The following LRP1B variants were observed in gnomAD, a reference collection of about 807,000 sequenced individuals.
The protein encoded by LRP1B is low-density lipoprotein receptor-related protein 1B.
LRP1B carries 217 observed loss-of-function variants against 556.6 expected under a neutral mutation model. The observed-to-expected ratio is 0.39, with a 90% CI of 0.35 to 0.44. LRP1B has a LOEUF of 0.44. Ranked by LOEUF, LRP1B falls within the 20% of genes least tolerant of loss-of-function variation. The probability of loss-of-function intolerance (pLI) is 1.00; values close to 1 mark genes in which losing one functional copy is unlikely to be tolerated. For synonymous variants in LRP1B, 2,047 were observed against 1,865.8 expected, an observed-to-expected ratio of 1.10 and a Z score of -2.50; for missense variants, 5,053 against 5,620.8, an observed-to-expected ratio of 0.90 and a Z score of 3.23.
chr2:141,925,499 A>T (rs1042933700), intron 1 of LRP1B, among the ~76,000 whole-genome samples: 3 of 152,172 alleles, frequency 2.0e-5, no homozygotes, highest in African/African-American at 7.2e-5. Context: ...GGAATTCATA[A>T]ATCTATTTGT....
chr2:140,251,112 A>C (rs1681394386), intron 86 of LRP1B, among the ~76,000 whole-genome samples: 2 of 151,624 alleles, frequency 1.3e-5, no homozygotes, highest in South Asian at 4.1e-4. Context: ...TTCAATTATA[A>C]TTTTCTGTAG....
Position 141,720,212 on chromosome 2 carries a change from A to G in LRP1B, c.205+90067T>C, listed in dbSNP as rs571770664. Among the ~76,000 whole-genome samples, 13 of 152,250 alleles carry G rather than the reference A, an allele frequency of 8.5e-5. No homozygotes were observed. The South Asian group carries it at 2.7e-3, about 32-fold the overall frequency. ...TTAGCAAACCCTGCTGGATTAAAGA[A>G]AGCTGTTACTGAAGACTAGAGTGAA... On this transcript the variant is annotated intron_variant, in intron 2 of 90. Transcript: ENST00000389484.
At chr2:141,414,520 C>A (rs1299244154) in intron 3 of LRP1B, among the ~76,000 whole-genome samples, 1 of 152,134 alleles carries the variant, frequency 6.6e-6, no homozygotes, top group Non-Finnish European at 1.5e-5. Context: ...TGCAAAGTGG[C>A]ATTTAATTTT....
chr2:140,637,137 G>A (rs987780621), intron 41 of LRP1B, among the ~76,000 whole-genome samples: 3 of 152,134 alleles, frequency 2.0e-5, no homozygotes, highest in Non-Finnish European at 4.4e-5. Flanking sequence ...AATATGGAGT[G>A]AGCAGAGATC....
chr2:140,610,425 T>C (rs1416885705), intron 41 of LRP1B, among the ~76,000 whole-genome samples: 1 of 152,222 alleles, frequency 6.6e-6, no homozygotes. Flanking sequence ...TGCATATTTA[T>C]GCTTTAATTC....
intron 35 of LRP1B, among the ~76,000 whole-genome samples, chr2:140,725,531 G>A (rs977282104): frequency 4.1e-5 from 5 of 120,626 alleles, no homozygotes; most frequent in Non-Finnish European, 6.6e-5. Flanking sequence ...ACCGGGGCCT[G>A]TCATGGGGTG....
intron 1 of LRP1B, among the ~76,000 whole-genome samples, chr2:142,095,010 A>G (rs1040926482): frequency 2.0e-5 from 3 of 151,888 alleles, no homozygotes; most frequent in Non-Finnish European, 2.9e-5. Context: ...ATGTGAATTA[A>G]CCAAGTTAGC....
At chr2:140,872,264 G>A (rs1266185733) in intron 25 of LRP1B, among the ~76,000 whole-genome samples, 1 of 151,124 alleles carries the variant, frequency 6.6e-6, no homozygotes, top group Non-Finnish European at 1.5e-5. Flanking sequence ...TCCCTTTCGG[G>A]GAAAACCGTC....
intron 2 of LRP1B, among the ~76,000 whole-genome samples, chr2:141,526,841 C>T (rs1684708016): frequency 6.6e-6 from 1 of 151,936 alleles, no homozygotes; most frequent in Non-Finnish European, 1.5e-5. Flanking sequence ...TAAAAATAAA[C>T]AAGAGTAAAG....
intron 7 of LRP1B, among the ~76,000 whole-genome samples, chr2:141,154,732 A>T (rs1702023102): frequency 6.6e-6 from 1 of 151,870 alleles, no homozygotes; most frequent in Non-Finnish European, 1.5e-5. Context: ...CTAATTCTGA[A>T]TTTTCACTAA....
intron 1 of LRP1B, among the ~76,000 whole-genome samples, chr2:141,888,898 C>A (rs972081111): frequency 2.0e-5 from 3 of 152,082 alleles, no homozygotes; most frequent in African/African-American, 7.2e-5. Flanking sequence ...CTATTGACGG[C>A]CAACCAGCCA....
chr2:142,086,883 G>A (rs13018671), intron 1 of LRP1B, among the ~76,000 whole-genome samples: 64,921 of 151,924 alleles, frequency 0.43, 15,896 homozygotes, highest in East Asian at 0.69. Context: ...CATCACGAAA[G>A]CAATATTCCT....
chr2:141,112,745 A>C (rs74370772), intron 7 of LRP1B, among the ~76,000 whole-genome samples: 9,686 of 152,230 alleles, frequency 0.064, 377 homozygotes, highest in Middle Eastern at 0.13. Context: ...AGTATTCACT[A>C]ATTCAATTGT....
rs1345538754 is a variant in LRP1B at position 140,457,557 on chromosome 2, G to C, written c.9720C>G (p.Ala3240=). 7 of 1,613,730 alleles carry C rather than the reference G, an allele frequency of 4.3e-6. No individual in the cohort carries two copies. Among genetic ancestry groups the C allele is most frequent in the South Asian group, 1.1e-5 (1 of 91,062 alleles). Residue 3240 remains alanine, a synonymous_variant, in exon 61 of 91, where the codon GCC becomes GCG. Transcript: ENST00000389484. The part of the protein sequence containing the change: ...TDGKTKSLSR[A]HKTSGADRLS... ...GTCTGTCTGCTCCCGATGTTTTATG[G>C]GCACGGCTGAGTGACTTGGTTTTCC...
chr2:141,639,511 A>G (rs1434219890), intron 2 of LRP1B, among the ~76,000 whole-genome samples: 1 of 149,658 alleles, frequency 6.7e-6, no homozygotes, highest in African/African-American at 2.5e-5. Context: ...CTGTATAGCC[A>G]TATTTAAAGC....
intron 2 of LRP1B, among the ~76,000 whole-genome samples, chr2:141,722,759 T>TAGATAGAC (rs1692877169): frequency 1.3e-5 from 2 of 151,938 alleles, no homozygotes; most frequent in Non-Finnish European, 2.9e-5. Flanking sequence ...GATAGATAGA[T>TAGATAGAC]AGATAGATAG....
At chr2:140,982,079 T>A in intron 18 of LRP1B, 81 bp downstream of exon 18, 2 of 1,093,626 alleles carry the variant, frequency 1.8e-6, no homozygotes, top group Non-Finnish European at 2.7e-6. Flanking sequence ...AAGAAATAAA[T>A]AGCCCTTTAA....
At chr2:141,467,451 T>G (rs1218564194) in intron 3 of LRP1B, among the ~76,000 whole-genome samples, 1 of 152,110 alleles carries the variant, frequency 6.6e-6, no homozygotes, top group Non-Finnish European at 1.5e-5. Context: ...TAGTACAAAT[T>G]GCTAAGCATT....
intron 43 of LRP1B, among the ~76,000 whole-genome samples, chr2:140,552,852 T>C (rs1319950620): frequency 2.0e-5 from 3 of 152,186 alleles, no homozygotes; most frequent in Non-Finnish European, 4.4e-5. Context: ...ATAAACTATG[T>C]CTATATCTAT....
Sources: allele counts gnomAD v4.1 joint callset (sites outside exome capture counted in the v4.1 genomes callset), GRCh38; gene constraint gnomAD v4.1.1; transcripts MANE v1.5; gene names NCBI Gene and HGNC (gene_info 2026-07-23, HGNC 2026-07-21).